The following BLTP1 variants were observed in gnomAD, a reference collection of about 807,000 sequenced individuals.
BLTP1 encodes the protein bridge-like lipid transfer protein family member 1.
At chr4:122,277,584 T>G in the BLTP1 span, 1 of 954,936 alleles carries the variant, frequency 1.0e-6, no homozygotes, top group Non-Finnish European at 1.2e-6. Flanking sequence ...GATCGTATCT[T>G]TGCTTTATAT....
At chr4:122,345,090 A>G in the BLTP1 span, 1 of 883,022 alleles carries the variant, frequency 1.1e-6, no homozygotes, top group Non-Finnish European at 1.4e-6. Flanking sequence ...TTTCATAATT[A>G]TGAATCAAAT....
chr4:122,183,148 T>C, the BLTP1 span: 1 of 489,360 alleles, frequency 2.0e-6, no homozygotes, highest in Non-Finnish European at 2.7e-6. Context: ...CCAACCTGGA[T>C]AACATAGTGA....
the BLTP1 span, chr4:122,328,319 C>G: frequency 1.2e-6 from 2 of 1,610,248 alleles, no homozygotes; most frequent in South Asian, 1.1e-5. Context: ...AAGATGAAGA[C>G]CATGAGAGGG....
the BLTP1 span, chr4:122,187,810 T>C: frequency 7.2e-7 from 1 of 1,385,744 alleles, no homozygotes; most frequent in Non-Finnish European, 9.6e-7. Context: ...TTTGAAAATG[T>C]TTGTTATTAG....
At chr4:122,201,075 G>C in the BLTP1 span, 2 of 1,613,688 alleles carry the variant, frequency 1.2e-6, no homozygotes, top group East Asian at 2.2e-5. Context: ...TGAATTAGAG[G>C]TTTATAAAGC....
At chr4:122,325,918 G>A in the BLTP1 span, 67 of 996,426 alleles carry the variant, frequency 6.7e-5, no homozygotes, top group Non-Finnish European at 8.4e-5. Context: ...GTATTTTCAG[G>A]TACTTACTAA....
chr4:122,325,661 C>A, the BLTP1 span: 1 of 1,052,854 alleles, frequency 9.5e-7, no homozygotes, highest in Non-Finnish European at 1.2e-6. Flanking sequence ...AATATTGATA[C>A]TCATTTATGT....
the BLTP1 span, among the ~76,000 whole-genome samples, chr4:122,193,894 G>C: frequency 6.6e-6 from 1 of 151,554 alleles, no homozygotes; most frequent in Non-Finnish European, 1.5e-5. Flanking sequence ...ACGGAGTCTC[G>C]CTCTGTCGCC....
At chr4:122,324,630 G>A in the BLTP1 span, 11 of 978,096 alleles carry the variant, frequency 1.1e-5, no homozygotes, top group East Asian at 2.8e-4. Flanking sequence ...ATAAAATTAA[G>A]ATAACAAAAA....
chr4:122,270,477 A>C, the BLTP1 span: 1 of 423,368 alleles, frequency 2.4e-6, no homozygotes, highest in Non-Finnish European at 3.2e-6. Flanking sequence ...TTAGATAAGC[A>C]GGAGGATTTG....
the BLTP1 span, chr4:122,315,623 T>G: frequency 2.5e-6 from 4 of 1,614,062 alleles, no homozygotes; most frequent in Non-Finnish European, 3.4e-6. Flanking sequence ...TGACTTAAAT[T>G]CAGTGAACAT....
At chr4:122,227,903 A>G in the BLTP1 span, among the ~76,000 whole-genome samples, 7 of 126,688 alleles carry the variant, frequency 5.5e-5, no homozygotes, top group Non-Finnish European at 1.2e-4. Context: ...TGAAGTTTTT[A>G]TGTTGCATTA....
the BLTP1 span, chr4:122,272,039 G>T: frequency 8.1e-7 from 1 of 1,232,794 alleles, no homozygotes. Context: ...TTTTGTTGGG[G>T]ATTAGGAGAA....
the BLTP1 span, among the ~76,000 whole-genome samples, chr4:122,332,484 T>C: frequency 6.6e-6 from 1 of 152,124 alleles, no homozygotes; most frequent in South Asian, 2.1e-4. Context: ...TAAAGGTAAC[T>C]GCCCTGTATA....
the BLTP1 span, chr4:122,237,347 T>C: frequency 1.0e-6 from 1 of 985,316 alleles, no homozygotes; most frequent in Non-Finnish European, 1.2e-6. Context: ...TGTGAAACAG[T>C]GGTGCTTCAC....
the BLTP1 span, chr4:122,255,067 G>A: frequency 6.6e-7 from 1 of 1,523,848 alleles, no homozygotes; most frequent in South Asian, 1.2e-5. Flanking sequence ...ATTACTGAAT[G>A]TCTTTTATTT....
chr4:122,305,427 G>T, the BLTP1 span: 5 of 957,902 alleles, frequency 5.2e-6, no homozygotes, highest in Non-Finnish European at 6.2e-6. Flanking sequence ...GCTTATTGGA[G>T]ATTTTTTTTG....
chr4:122,325,165 T>C, the BLTP1 span: 9 of 1,460,444 alleles, frequency 6.2e-6, no homozygotes, highest in Middle Eastern at 1.9e-4. Context: ...AATCAGACTT[T>C]TATAAAGTCC....
the BLTP1 span, among the ~76,000 whole-genome samples, chr4:122,259,499 CT>C: frequency 6.6e-6 from 1 of 151,986 alleles, no homozygotes. Flanking sequence ...TTATTTTTTG[CT>C]AGTTATTGTT....
Sources: gnomAD v4.1 joint callset for allele counts (sites outside exome capture counted in the v4.1 genomes callset) on GRCh38, gnomAD v4.1.1 for gene constraint, MANE v1.5 for transcripts, NCBI Gene and HGNC (gene_info 2026-07-23, HGNC 2026-07-21) for gene names.